The following FBXO7 variants were observed in gnomAD, a reference collection of about 807,000 sequenced individuals.
The protein encoded by FBXO7 is F-box protein 7.
Under a neutral mutation model 50.2 loss-of-function variants are expected in FBXO7, and 31 were observed. The observed-to-expected ratio is 0.62, with a 90% CI of 0.46 to 0.83. FBXO7 has a LOEUF of 0.83. Ranked by LOEUF, FBXO7 falls within the 40% of genes least tolerant of loss-of-function variation. The pLI is 0.00. For synonymous variants in FBXO7, 256 were observed against 253.1 expected (o/e 1.01, Z -0.11); for missense variants, 667 against 646.6 (o/e 1.03, Z -0.34).
Position 32,474,825 on chromosome 22 carries a change from A to T in FBXO7, c.-178A>T. ...GAGGGGCGGGCGCTCTATTCCAGAG[A>T]CCGAGTGGCAGGGCGGCCACTGTGG... On this transcript the variant is annotated 5_prime_UTR_variant, in exon 1 of 9. Transcript: ENST00000266087. The T allele has an allele frequency of 1.6e-6, 1 of 629,276 alleles. No individual in the cohort carries two copies. Among genetic ancestry groups the T allele is most frequent in the Non-Finnish European group, 2.6e-6 (1 of 378,016 alleles). 39.0% of individuals were successfully genotyped at this position (629,276 alleles called of 1,614,324 possible). A position where few individuals can be genotyped will look rare whatever the true frequency, so the allele number is the denominator to read the frequency against.
At chr22:32,477,184 A>T (rs1036926505) in intron 1 of FBXO7, among the ~76,000 whole-genome samples, 3 of 152,214 alleles carry the variant, frequency 2.0e-5, no homozygotes, top group Non-Finnish European at 4.4e-5. Context: ...AATAGCTTCT[A>T]TTTCAGTAAT....
At chr22:32,484,922 T>C in intron 3 of FBXO7, 146 bp from the exon 4 acceptor site, 1 of 851,310 alleles carries the variant, frequency 1.2e-6, no homozygotes, top group Non-Finnish European at 1.9e-6. Flanking sequence ...TAAAATATAT[T>C]GGCAATGTTA....
At chr22:32,480,569 T>C (rs2057458232) in intron 2 of FBXO7, among the ~76,000 whole-genome samples, 1 of 152,194 alleles carries the variant, frequency 6.6e-6, no homozygotes, top group African/African-American at 2.4e-5. Context: ...TCTACCCATC[T>C]TCCTAAGCCC....
intron 6 of FBXO7, 74 bp downstream of exon 6, chr22:32,491,255 A>T (rs764285771): frequency 1.9e-5 from 21 of 1,124,786 alleles, no homozygotes; most frequent in Middle Eastern, 1.9e-4. Flanking sequence ...CTTGGTGAGT[A>T]TGACATCTGA....
chr22:32,485,473 T>G (rs904861149), intron 4 of FBXO7, among the ~76,000 whole-genome samples: 1 of 152,220 alleles, frequency 6.6e-6, no homozygotes, highest in Admixed American at 6.5e-5. Flanking sequence ...CTCTGGGGGA[T>G]AATATTTAAT....
At chr22:32,495,599 G>C (rs949852387) in intron 8 of FBXO7, 69 bp downstream of exon 8, 23 of 806,166 alleles carry the variant, frequency 2.9e-5, no homozygotes, top group Non-Finnish European at 4.5e-5. Flanking sequence ...ATATATTAAG[G>C]GTATATTTTC....
intron 1 of FBXO7, among the ~76,000 whole-genome samples, chr22:32,477,413 T>C (rs2057436091): frequency 6.6e-6 from 1 of 150,496 alleles, no homozygotes; most frequent in African/African-American, 2.5e-5. Context: ...TTTATAATGT[T>C]TTGTTATTGT....
chr22:32,486,726 A>T (rs2057501131), intron 4 of FBXO7, among the ~76,000 whole-genome samples: 1 of 152,202 alleles, frequency 6.6e-6, no homozygotes, highest in Non-Finnish European at 1.5e-5. Flanking sequence ...GTGGTACTTC[A>T]CATTTGTCAG....
At chr22:32,493,873 G>T (rs532044390) in intron 7 of FBXO7, among the ~76,000 whole-genome samples, 4 of 151,592 alleles carry the variant, frequency 2.6e-5, no homozygotes, top group Non-Finnish European at 5.9e-5. Flanking sequence ...AATGGGTCAT[G>T]TTACAAAAAA....
At position 32,474,894 on chromosome 22, in the gene FBXO7, G is replaced by A; in HGVS notation, c.-109G>A. The A allele has an allele frequency of 4.5e-6, 5 of 1,111,470 alleles. No homozygotes were observed. The highest frequency in any genetic ancestry group is 6.2e-6 in the Non-Finnish European group (5 of 805,988). 68.9% of individuals were successfully genotyped at this position (1,111,470 alleles called of 1,614,324 possible). ...TCGCCTCAGCTACCCCTCAGCTCCGGTAGTCGCCAGTCCGGGGTCGTCGCC... is the reference window on the plus strand; with the variant it reads ...TCGCCTCAGCTACCCCTCAGCTCCGATAGTCGCCAGTCCGGGGTCGTCGCC... On this transcript the variant is annotated 5_prime_UTR_variant, in exon 1 of 9. Coordinates refer to ENST00000266087, the MANE Select transcript of FBXO7 (RefSeq NM_012179.4).
rs1239221456 is a variant in FBXO7 at position 32,487,757 on chromosome 22, T to A, written c.800T>A (p.Ile267Asn). Residue 267 changes from isoleucine to asparagine, a missense_variant, in exon 5 of 9, where the codon ATC (isoleucine) becomes AAC (asparagine). By Grantham distance (149) the Ile-to-Asn change is moderately radical. Coordinates refer to ENST00000266087, the MANE Select transcript of FBXO7 (RefSeq NM_012179.4). ...NLIVVNATLKINNEIRSVKRL... is the reference protein window; with the variant it reads ...NLIVVNATLKNNNEIRSVKRL... ...TGTTTATTTACAGCTACACTAAAAA[T>A]CAACAATGAGATTAGAAGTGTGAAA... The A allele has an allele frequency of 6.2e-7, 1 of 1,606,744 alleles. No homozygotes were observed. Among genetic ancestry groups the A allele is most frequent in the South Asian group, 1.1e-5 (1 of 90,722 alleles).
At chr22:32,477,222 A>G (rs1601501938) in intron 1 of FBXO7, among the ~76,000 whole-genome samples, 2 of 152,222 alleles carry the variant, frequency 1.3e-5, no homozygotes, top group African/African-American at 2.4e-5. Flanking sequence ...GGACACTTCA[A>G]TCAGTAAGAA....
Position 32,498,427 on chromosome 22 carries a change from C to T in FBXO7, c.1466C>T (p.Pro489Leu). 1 of 1,614,216 alleles carries T rather than the reference C, an allele frequency of 6.2e-7. No individual in the cohort carries two copies. The highest frequency in any genetic ancestry group is 1.3e-5 in the African/African-American group (1 of 75,064). Reference sequence around the variant, plus strand: ...CGCTTTGATCCAGTTGGCCCACTTCCAGGACCTAACCCCATCTTGCCAGGG... The same window carrying T: ...CGCTTTGATCCAGTTGGCCCACTTCTAGGACCTAACCCCATCTTGCCAGGG... The part of the protein sequence containing the change: ...RPRFDPVGPL[P>L]GPNPILPGRG... Residue 489 changes from proline to leucine, a missense_variant, in exon 9 of 9, where the codon CCA becomes CTA. Transcript: ENST00000266087.
intron 7 of FBXO7, among the ~76,000 whole-genome samples, chr22:32,494,645 C>T (rs946225737): frequency 2.6e-5 from 4 of 151,774 alleles, no homozygotes; most frequent in South Asian, 4.2e-4. Context: ...ATGGAAGCAC[C>T]GAGAAAAAGC....
intron 8 of FBXO7, 47 bp downstream of exon 8, chr22:32,495,577 A>G: frequency 2.8e-6 from 3 of 1,072,838 alleles, no homozygotes; most frequent in East Asian, 2.4e-5. Context: ...CACAGAAATG[A>G]CTAGTGAATT....
In FBXO7 at chr22:32,498,202, T is replaced by TCCTGCC. The variant is rs780356353; in HGVS notation, c.1242_1247dup (p.Leu415_Pro416dup). 6.2e-7 allele frequency: 1 copy of TCCTGCC among 1,614,232 alleles called. No individual in the cohort carries two copies. The highest frequency in any genetic ancestry group is 8.5e-7 in the Non-Finnish European group (1 of 1,180,040). On this transcript the variant is annotated inframe_insertion, in exon 9 of 9. Coordinates refer to ENST00000266087, the MANE Select transcript of FBXO7 (RefSeq NM_012179.4). ...TCCCCGAAAGGGCGGTTTGTGATGC[T>TCCTGCC]CCTGCCATCGTCAACTCACACCATT...
intron 5 of FBXO7, chr22:32,490,190 C>T (rs9619267): frequency 0.087 from 13,190 of 152,208 alleles, 610 homozygotes; most frequent in Non-Finnish European, 0.1. Context: ...AGGCACTGCT[C>T]GTGGAGCTTT....
In FBXO7 at chr22:32,475,053, C is replaced by T. The variant is rs763321246; in HGVS notation, c.51C>T (p.Pro17=). ...AGCGGACCTGGCCGCTGGAGGTGCC[C>T]GAGACGGAGCCGACGCTGGGGCATT... The part of the protein sequence containing the change: ...LLKRTWPLEV[P]ETEPTLGHLR... The change falls in exon 1 of 9, where the codon CCC becomes CCT. Residue 17 remains proline, a synonymous_variant. Coordinates refer to ENST00000266087, the MANE Select transcript of FBXO7 (RefSeq NM_012179.4). 1 of 1,545,026 alleles carries T rather than the reference C, an allele frequency of 6.5e-7. No individual in the cohort carries two copies.
chr22:32,497,153 C>CT (rs57009207), intron 8 of FBXO7, among the ~76,000 whole-genome samples: 1 of 152,082 alleles, frequency 6.6e-6, no homozygotes, highest in East Asian at 1.9e-4. Flanking sequence ...AAAGTGGTTT[C>CT]TTTTTTTAAA....
Sources: allele counts gnomAD v4.1 joint callset (sites outside exome capture counted in the v4.1 genomes callset), GRCh38; gene constraint gnomAD v4.1.1; transcripts MANE v1.5; gene names NCBI Gene and HGNC (gene_info 2026-07-23, HGNC 2026-07-21).